Variants in KIAA0825 observed in about 807,000 individuals in gnomAD.
The protein encoded by KIAA0825 is uncharacterized protein KIAA0825.
In KIAA0825, 119 loss-of-function variants were observed where a neutral mutation model predicts 147.6. The ratio of observed to expected loss-of-function variants is 0.81; its 90% CI spans 0.69 to 0.94. KIAA0825 has a LOEUF of 0.94. Ranked by LOEUF, KIAA0825 falls within the 40% of genes least tolerant of loss-of-function variation. The probability of loss-of-function intolerance (pLI) is 0.00; values close to 1 mark genes in which losing one functional copy is unlikely to be tolerated. For missense variants in KIAA0825, 1,381 were observed against 1,472.7 expected (o/e 0.94, Z 1.02); for synonymous variants, 470 against 518.1 (o/e 0.91, Z 1.26).
chr5:94,477,000 A>AT (rs1236158797), intron 7 of KIAA0825, 111 bp downstream of exon 7: 8 of 793,630 alleles, frequency 1.0e-5, no homozygotes, highest in South Asian at 6.5e-5. Context: ...TTGAAAAATT[A>AT]TTTTTTTGTA....
chr5:94,420,238 G>A (rs939043833), intron 14 of KIAA0825, among the ~76,000 whole-genome samples: 4 of 152,136 alleles, frequency 2.6e-5, no homozygotes, highest in Middle Eastern at 3.4e-3. Context: ...ATCATGCAAC[G>A]GAAATGCACA....
In KIAA0825 at chr5:94,524,003, G is replaced by T; in HGVS notation, c.227C>A (p.Thr76Asn). ...QTTTDCFEWLTNYNYSTSESS... is the reference protein window; with the variant it reads ...QTTTDCFEWLNNYNYSTSESS... ...TTCAGATGTACTGTAATTATAGTTA[G>T]TTAGCCATTCAAAGCAGTCAGTTGT... is the stretch of plus-strand genomic sequence containing the variant. The change falls in exon 4 of 21, where the codon ACT (threonine) becomes AAT (asparagine). Residue 76 changes from threonine (T) to asparagine (N), a missense_variant. By Grantham distance (65) the Thr-to-Asn change is moderately conservative (BLOSUM62 0). Transcript: ENST00000682413. 6.2e-7 allele frequency: 1 copy of T among 1,609,604 alleles called. No individual in the cohort carries two copies.
chr5:94,338,409 C>T (rs1431743077), intron 20 of KIAA0825, among the ~76,000 whole-genome samples: 1 of 151,426 alleles, frequency 6.6e-6, no homozygotes, highest in Non-Finnish European at 1.5e-5. Context: ...GCTCTGATTT[C>T]TCCTTTTCAT....
intron 20 of KIAA0825, among the ~76,000 whole-genome samples, chr5:94,235,072 G>A (rs978738859): frequency 2.0e-5 from 3 of 151,330 alleles, no homozygotes; most frequent in Non-Finnish European, 2.9e-5. Context: ...CCTTACAATT[G>A]TGCCTAAGTG....
At chr5:94,509,022 G>A (rs917263630) in intron 5 of KIAA0825, among the ~76,000 whole-genome samples, 13 of 152,212 alleles carry the variant, frequency 8.5e-5, no homozygotes, top group Admixed American at 8.5e-4. Context: ...AGCTGCCTGT[G>A]ACATAGCTCT....
chr5:94,166,858 T>A (rs1205501876), intron 20 of KIAA0825, among the ~76,000 whole-genome samples: 1 of 152,012 alleles, frequency 6.6e-6, no homozygotes, highest in African/African-American at 2.4e-5. Context: ...AAAATCATTA[T>A]TAAATTATAT....
intron 20 of KIAA0825, among the ~76,000 whole-genome samples, chr5:94,368,606 C>T (rs946174763): frequency 1.3e-5 from 2 of 152,086 alleles, no homozygotes; most frequent in African/African-American, 4.8e-5. Context: ...GGAGAGGGCA[C>T]TGAATTTTGA....
chr5:94,600,799 G>GCTAC (rs1323831410), intron 1 of KIAA0825, among the ~76,000 whole-genome samples: 2 of 152,198 alleles, frequency 1.3e-5, no homozygotes, highest in African/African-American at 4.8e-5. Context: ...CTCTACAAAA[G>GCTAC]TGTGACCAGA....
At chr5:94,224,997 A>AT (rs1361386649) in intron 20 of KIAA0825, among the ~76,000 whole-genome samples, 1 of 152,166 alleles carries the variant, frequency 6.6e-6, no homozygotes, top group Non-Finnish European at 1.5e-5. Flanking sequence ...TCTGATTGTC[A>AT]TAAGAGACCA....
At chr5:94,426,048 T>TATTATTATTATC (rs1363612947) in intron 14 of KIAA0825, among the ~76,000 whole-genome samples, 2 of 150,310 alleles carry the variant, frequency 1.3e-5, no homozygotes, top group East Asian at 3.9e-4. Flanking sequence ...TTATTATTAT[T>TATTATTATTATC]ATTATAGAGA....
chr5:94,615,352 T>G (rs1299346794), intron 1 of KIAA0825, among the ~76,000 whole-genome samples: 2 of 152,216 alleles, frequency 1.3e-5, no homozygotes, highest in African/African-American at 4.8e-5. Flanking sequence ...CCAGAGCTTT[T>G]GCACACATTT....
chr5:94,492,941 C>T (rs1162682941), intron 5 of KIAA0825, among the ~76,000 whole-genome samples: 2 of 152,170 alleles, frequency 1.3e-5, no homozygotes, highest in East Asian at 1.9e-4. Context: ...ATCTTTACGG[C>T]GTCAGTTCTT....
At chr5:94,499,961 T>G (rs1764871380) in intron 5 of KIAA0825, among the ~76,000 whole-genome samples, 1 of 152,144 alleles carries the variant, frequency 6.6e-6, no homozygotes, top group African/African-American at 2.4e-5. Flanking sequence ...CAGAGAAAGC[T>G]TCTTAGAAGA....
chr5:94,192,597 T>G (rs1162463831), intron 20 of KIAA0825, among the ~76,000 whole-genome samples: 4 of 152,172 alleles, frequency 2.6e-5, no homozygotes, highest in Non-Finnish European at 5.9e-5. Flanking sequence ...AGGGTAGTTC[T>G]TTATCTACTT....
chr5:94,443,444 T>C (rs1002504459), intron 13 of KIAA0825, among the ~76,000 whole-genome samples: 18 of 151,956 alleles, frequency 1.2e-4, no homozygotes, highest in Admixed American at 1.1e-3. Context: ...GGGAAAATGT[T>C]ATAAATCCTA....
At chr5:94,593,804 G>T in intron 1 of KIAA0825, 3 of 332,172 alleles carry the variant, frequency 9.0e-6, no homozygotes, top group South Asian at 5.6e-5. Flanking sequence ...TGTGAAACTT[G>T]GAGAATTATT....
intron 20 of KIAA0825, among the ~76,000 whole-genome samples, chr5:94,252,901 C>A (rs1326242654): frequency 6.6e-6 from 1 of 152,032 alleles, no homozygotes; most frequent in East Asian, 1.9e-4. Flanking sequence ...TTTACTACAG[C>A]ATAACTACCT....
At chr5:94,610,191 G>A (rs980611325) in intron 1 of KIAA0825, among the ~76,000 whole-genome samples, 4 of 150,826 alleles carry the variant, frequency 2.7e-5, no homozygotes, top group African/African-American at 4.9e-5. Flanking sequence ...AGGCCAAGGC[G>A]AGTGGATCAC....
intron 20 of KIAA0825, among the ~76,000 whole-genome samples, chr5:94,351,382 G>A (rs1783649295): frequency 6.6e-6 from 1 of 152,078 alleles, no homozygotes. Context: ...CACCTAACCA[G>A]GGAGTTGAAA....
Sources: gnomAD v4.1 joint callset for allele counts (sites outside exome capture counted in the v4.1 genomes callset) on GRCh38, gnomAD v4.1.1 for gene constraint, MANE v1.5 for transcripts, NCBI Gene and HGNC (gene_info 2026-07-23, HGNC 2026-07-21) for gene names.